Variants in ORC4 observed in about 807,000 individuals in gnomAD.
The protein encoded by ORC4 is origin recognition complex subunit 4.
A neutral mutation model predicts 63.9 loss-of-function variants in ORC4; 55 were observed. The observed-to-expected ratio is 0.86, with a 90% CI of 0.69 to 1.08. ORC4 has a LOEUF of 1.08. Ranked by LOEUF, ORC4 falls within the 50% of genes least tolerant of loss-of-function variation. The probability of loss-of-function intolerance (pLI) is 0.00; values close to 1 mark genes in which losing one functional copy is unlikely to be tolerated. For synonymous variants in ORC4, 150 were observed against 168.5 expected, an observed-to-expected ratio of 0.89 and a Z score of 0.85; for missense variants, 511 against 504.4, an observed-to-expected ratio of 1.01 and a Z score of -0.13.
chr2:147,962,845 C>T (rs1689678166), intron 4 of ORC4, among the ~76,000 whole-genome samples: 1 of 152,106 alleles, frequency 6.6e-6, no homozygotes, highest in African/African-American at 2.4e-5. Flanking sequence ...TGGTCCTGTG[C>T]CCACAATCAG....
chr2:147,958,665 G>T (rs1226605876), intron 5 of ORC4, 126 bp downstream of exon 5: 2 of 653,688 alleles, frequency 3.1e-6, no homozygotes, highest in African/African-American at 3.7e-5. Flanking sequence ...TGCATATGGT[G>T]TGCTAAGTAA....
chr2:148,002,246 C>CT (rs763537775), intron 1 of ORC4, among the ~76,000 whole-genome samples: 8 of 152,276 alleles, frequency 5.3e-5, no homozygotes, highest in Admixed American at 1.3e-4. Context: ...TTGAACTCAG[C>CT]TATGGACCAA....
At chr2:147,964,560 G>A (rs1045898307) in intron 4 of ORC4, among the ~76,000 whole-genome samples, 2 of 152,112 alleles carry the variant, frequency 1.3e-5, no homozygotes, top group Non-Finnish European at 2.9e-5. Context: ...CAGTTCTTGA[G>A]AGAGGAATGG....
intron 1 of ORC4, among the ~76,000 whole-genome samples, chr2:148,009,812 C>G (rs571969839): frequency 1.3e-5 from 2 of 152,154 alleles, no homozygotes; most frequent in Non-Finnish European, 2.9e-5. Flanking sequence ...ATCCTAAATT[C>G]TCCAATCAAA....
chr2:148,004,197 T>C (rs545645319), intron 1 of ORC4, among the ~76,000 whole-genome samples: 2 of 152,256 alleles, frequency 1.3e-5, no homozygotes, highest in African/African-American at 2.4e-5. Flanking sequence ...AAGTAATTTA[T>C]AGATTCAATG....
At chr2:147,941,335 G>C (rs1688352961) in intron 10 of ORC4, among the ~76,000 whole-genome samples, 1 of 151,568 alleles carries the variant, frequency 6.6e-6, no homozygotes, top group African/African-American at 2.4e-5. Context: ...TAGGTAACTA[G>C]ACTTTCTCTA....
chr2:147,999,790 T>C (rs1487262996), intron 1 of ORC4, among the ~76,000 whole-genome samples: 2 of 152,132 alleles, frequency 1.3e-5, no homozygotes, highest in Non-Finnish European at 2.9e-5. Flanking sequence ...AATTTGAACA[T>C]GCAATCAATG....
chr2:147,989,233 T>C (rs1324712563), intron 1 of ORC4, among the ~76,000 whole-genome samples: 1 of 152,058 alleles, frequency 6.6e-6, no homozygotes, highest in Non-Finnish European at 1.5e-5. Flanking sequence ...GAATCTACAT[T>C]AAAATAACAA....
intron 1 of ORC4, among the ~76,000 whole-genome samples, chr2:148,003,447 G>C (rs943459585): frequency 6.6e-6 from 1 of 152,144 alleles, no homozygotes; most frequent in African/African-American, 2.4e-5. Flanking sequence ...GGGATGCAAG[G>C]CTGGTTCAAC....
In ORC4 at chr2:147,939,173, A is replaced by G. The variant is rs1688227174; in HGVS notation, c.925T>C (p.Cys309Arg). The change falls in exon 11 of 14, where the codon TGT (cysteine) becomes CGT (arginine). Residue 309 changes from cysteine (C) to arginine (R), a missense_variant. Transcript: ENST00000392857. ...ATATTTGCTTTCGAGTCCATGCTAC[A>G]CAGTTGGCTTGCTTCCATTAGATCT... is the stretch of plus-strand genomic sequence containing the variant. ...AVDLMEASQL[C>R]SMDSKANIVH... 6.2e-7 allele frequency: 1 copy of G among 1,612,292 alleles called. No homozygotes were observed. The highest frequency in any genetic ancestry group is 8.5e-7 in the Non-Finnish European group (1 of 1,178,454).
chr2:147,942,538 A>G (rs1688424123), intron 10 of ORC4, among the ~76,000 whole-genome samples: 1 of 152,148 alleles, frequency 6.6e-6, no homozygotes, highest in Non-Finnish European at 1.5e-5. Context: ...ATTTGACAAA[A>G]TCCAACACCC....
chr2:147,955,278 C>A, intron 7 of ORC4, 69 bp downstream of exon 7: 2 of 1,049,320 alleles, frequency 1.9e-6, no homozygotes, highest in Non-Finnish European at 2.9e-6. Context: ...GCTTGTATTA[C>A]CTTTATAATC....
chr2:147,989,919 A>G (rs1023410987), intron 1 of ORC4, among the ~76,000 whole-genome samples: 3 of 152,182 alleles, frequency 2.0e-5, no homozygotes, highest in Non-Finnish European at 4.4e-5. Context: ...ATGATCATGT[A>G]TTATTTTCTC....
rs201569200 is a variant in ORC4 at position 147,991,089 on chromosome 2, C to T, written c.-17-15114G>A. ...TTTGAGCTGGACTTTCACTCTGTCG[C>T]CTGGCTGGAGTGCAGTGGCACCATC... is the stretch of plus-strand genomic sequence containing the variant. On this transcript the variant is annotated intron_variant, in intron 1 of 13. Coordinates refer to ENST00000392857, the MANE Select transcript of ORC4 (RefSeq NM_181741.4). 1.4e-4 allele frequency among the ~76,000 whole-genome samples: 21 copies of T among 149,756 alleles called. No homozygotes were observed. The East Asian group carries it at 3.5e-3, about 25-fold the overall frequency.
chr2:147,988,879 G>A (rs1429744933), intron 1 of ORC4, among the ~76,000 whole-genome samples: 1 of 151,824 alleles, frequency 6.6e-6, no homozygotes, highest in Non-Finnish European at 1.5e-5. Context: ...TGTGTTATAG[G>A]GCATTTTGAA....
At chr2:147,966,697 T>C (rs1348644601) in intron 4 of ORC4, among the ~76,000 whole-genome samples, 1 of 151,836 alleles carries the variant, frequency 6.6e-6, no homozygotes, top group Non-Finnish European at 1.5e-5. Flanking sequence ...AATAATGAGG[T>C]AGAATCAGGA....
chr2:147,943,958 C>T (rs1688513292), intron 9 of ORC4, among the ~76,000 whole-genome samples: 1 of 152,194 alleles, frequency 6.6e-6, no homozygotes, highest in South Asian at 2.1e-4. Context: ...TTACAGGGAA[C>T]AGCATGAGTA....
chr2:147,958,715 A>G, intron 5 of ORC4, 76 bp downstream of exon 5: 2 of 761,458 alleles, frequency 2.6e-6, no homozygotes, highest in Non-Finnish European at 4.7e-6. Flanking sequence ...ATTAAAATGG[A>G]TTTGAAATAT....
chr2:147,986,199 T>C (rs1691193375), intron 1 of ORC4, among the ~76,000 whole-genome samples: 1 of 152,188 alleles, frequency 6.6e-6, no homozygotes, highest in Admixed American at 6.5e-5. Context: ...ATTGTGCAGA[T>C]AAAATGGTAA....
Sources: gnomAD v4.1 joint callset for allele counts (sites outside exome capture counted in the v4.1 genomes callset) on GRCh38, gnomAD v4.1.1 for gene constraint, MANE v1.5 for transcripts, NCBI Gene and HGNC (gene_info 2026-07-23, HGNC 2026-07-21) for gene names.